TNRC6C: variants seen among roughly 807,000 people sequenced by gnomAD.
TNRC6C encodes trinucleotide repeat containing adaptor 6C.
A neutral mutation model predicts 153.7 loss-of-function variants in TNRC6C; 20 were observed. The observed-to-expected ratio is 0.13, with a 90% CI of 0.09 to 0.19. The LOEUF is 0.19. Ranked by LOEUF, TNRC6C falls within the 10% of genes least tolerant of loss-of-function variation. The probability of loss-of-function intolerance (pLI) is 1.00; values close to 1 mark genes in which losing one functional copy is unlikely to be tolerated. For synonymous variants in TNRC6C, 811 were observed against 841.4 expected (o/e 0.96, Z 0.63); for missense variants, 1,987 against 2,172.0 (o/e 0.91, Z 1.69).
At chr17:77,986,272 A>G (rs9909250) in intron 1 of TNRC6C, among the ~76,000 whole-genome samples, 12,221 of 152,118 alleles carry the variant, frequency 0.08, 1,276 homozygotes, top group African/African-American at 0.25. Flanking sequence ...AAAATTAGCC[A>G]GGCATGGTGG....
At chr17:78,036,341 G>A (rs1210334476) in intron 2 of TNRC6C, among the ~76,000 whole-genome samples, 1 of 152,196 alleles carries the variant, frequency 6.6e-6, no homozygotes, top group South Asian at 2.1e-4. Context: ...CTGCACGGTG[G>A]AGATTTGTGG....
At chr17:78,088,744 G>A (rs931952332) in intron 13 of TNRC6C, among the ~76,000 whole-genome samples, 1 of 151,588 alleles carries the variant, frequency 6.6e-6, no homozygotes, top group African/African-American at 2.4e-5. Flanking sequence ...GTGATTACAG[G>A]CATGAGCCAT....
At chr17:78,042,455 A>T (rs1010423456) in intron 2 of TNRC6C, among the ~76,000 whole-genome samples, 4 of 152,194 alleles carry the variant, frequency 2.6e-5, no homozygotes, top group Non-Finnish European at 5.9e-5. Context: ...GCCGACGTGT[A>T]TGGAAATACT....
rs563289792 is a variant in TNRC6C, at chr17:77,994,743, T to TA, written c.-37-9417dup. 5.8e-4 allele frequency among the ~76,000 whole-genome samples: 86 copies of TA among 148,006 alleles called. 1 individual carries two copies. The highest frequency in any genetic ancestry group is 6.6e-4 in the Non-Finnish European group (44 of 66,660). On this transcript the variant is annotated intron_variant, in intron 1 of 22. Transcript: ENST00000636222. ...CAGAACACAGAAATACCATGAAGTT[T>TA]AAAAAAAAAACAAAAACAAAACAAC...
At chr17:78,101,343 T>C (rs1381966620) in intron 17 of TNRC6C, among the ~76,000 whole-genome samples, 7 of 152,218 alleles carry the variant, frequency 4.6e-5, no homozygotes, top group Non-Finnish European at 1.0e-4. Flanking sequence ...GACTTTATTG[T>C]CCATATCCTT....
chr17:77,997,182 G>C (rs1159793752), intron 1 of TNRC6C, among the ~76,000 whole-genome samples: 1 of 152,138 alleles, frequency 6.6e-6, no homozygotes, highest in African/African-American at 2.4e-5. Flanking sequence ...ACTGGGCTGC[G>C]GGGCTTTGTC....
chr17:78,039,537 T>C (rs2072251842), intron 2 of TNRC6C, among the ~76,000 whole-genome samples: 1 of 152,258 alleles, frequency 6.6e-6, no homozygotes, highest in Admixed American at 6.5e-5. Flanking sequence ...ATGCTGATGT[T>C]GAAGTGAAAT....
chr17:78,044,891 A>G (rs1339572613), intron 2 of TNRC6C, among the ~76,000 whole-genome samples: 1 of 152,228 alleles, frequency 6.6e-6, no homozygotes, highest in African/African-American at 2.4e-5. Context: ...CTAGGGAACA[A>G]AAACGTCCCA....
intron 1 of TNRC6C, among the ~76,000 whole-genome samples, chr17:78,028,218 G>A (rs1213552534): frequency 6.6e-6 from 1 of 152,148 alleles, no homozygotes; most frequent in Non-Finnish European, 1.5e-5. Context: ...TTTACTTGAT[G>A]GCTTTTATTT....
At chr17:78,084,703 A>G (rs1480349815) in intron 11 of TNRC6C, among the ~76,000 whole-genome samples, 1 of 147,846 alleles carries the variant, frequency 6.8e-6, no homozygotes, top group Non-Finnish European at 1.5e-5. Flanking sequence ...ATCATGGCTC[A>G]CTGCAGCCTC....
At chr17:78,044,081 G>A (rs1027983555) in intron 2 of TNRC6C, among the ~76,000 whole-genome samples, 2 of 152,094 alleles carry the variant, frequency 1.3e-5, no homozygotes, top group Admixed American at 1.3e-4. Context: ...CTAGGATTGA[G>A]GTAGTATAAC....
At chr17:78,047,976 T>G (rs982897744) in intron 2 of TNRC6C, among the ~76,000 whole-genome samples, 2 of 151,914 alleles carry the variant, frequency 1.3e-5, no homozygotes, top group African/African-American at 2.4e-5. Context: ...ACCCGAAGAG[T>G]TAAATACTAT....
intron 1 of TNRC6C, among the ~76,000 whole-genome samples, chr17:77,965,700 A>G (rs934101065): frequency 3.3e-5 from 5 of 152,208 alleles, no homozygotes; most frequent in Admixed American, 3.3e-4. Flanking sequence ...AAAAGAGAGA[A>G]AGCAATACAT....
At chr17:78,101,895 T>C (rs1321319082) in intron 17 of TNRC6C, among the ~76,000 whole-genome samples, 2 of 151,664 alleles carry the variant, frequency 1.3e-5, no homozygotes, top group Non-Finnish European at 2.9e-5. Context: ...CATGAACATG[T>C]CACAGTGCTG....
At chr17:78,023,955 C>G (rs1233616216) in intron 1 of TNRC6C, among the ~76,000 whole-genome samples, 2 of 151,742 alleles carry the variant, frequency 1.3e-5, no homozygotes, top group South Asian at 4.2e-4. Flanking sequence ...ACTAAAAATA[C>G]AAAAATTAGC....
chr17:78,004,041 C>T (rs2071455892), upstream of TNRC6C: 1 of 1,185,020 alleles, frequency 8.4e-7, no homozygotes, highest in Admixed American at 4.3e-5. Context: ...CTTTCTAGCA[C>T]CTTCTCAGAG....
intron 1 of TNRC6C, among the ~76,000 whole-genome samples, chr17:78,025,033 C>T (rs1416854039): frequency 4.6e-5 from 7 of 150,884 alleles, no homozygotes; most frequent in African/African-American, 1.7e-4. Flanking sequence ...ACAGGTGATC[C>T]ACCCACCGCA....
chr17:77,984,088 G>A (rs998780068), intron 1 of TNRC6C, among the ~76,000 whole-genome samples: 19 of 152,154 alleles, frequency 1.2e-4, no homozygotes, highest in African/African-American at 3.9e-4. Context: ...CCCAGTTTAT[G>A]TAAATCCACA....
intron 1 of TNRC6C, among the ~76,000 whole-genome samples, chr17:78,006,552 CTTCTTCT>C (rs1567910970): frequency 1.6e-5 from 1 of 63,202 alleles, no homozygotes; most frequent in Non-Finnish European, 3.2e-5. Flanking sequence ...TCTTCTTCTT[CTTCTTCT>C]TCCTTCTTCC....
Sources: allele counts gnomAD v4.1 joint callset (sites outside exome capture counted in the v4.1 genomes callset), GRCh38; gene constraint gnomAD v4.1.1; transcripts MANE v1.5; gene names NCBI Gene and HGNC (gene_info 2026-07-23, HGNC 2026-07-21).